The following PIK3R5 variants were observed in gnomAD, a reference collection of about 807,000 sequenced individuals.
PIK3R5 encodes phosphoinositide 3-kinase regulatory subunit 5.
PIK3R5 carries 32 observed loss-of-function variants against 94.9 expected under a neutral mutation model. That is an observed-to-expected ratio of 0.34 (90% CI 0.25 to 0.45). The LOEUF is 0.45. Among genes scored for constraint, PIK3R5 ranks in the 20% least tolerant of loss-of-function variants. PIK3R5 has a pLI of 1.00. For synonymous variants in PIK3R5, 443 were observed against 479.4 expected, an observed-to-expected ratio of 0.92 and a Z score of 0.99; for missense variants, 853 against 1,144.6, an observed-to-expected ratio of 0.75 and a Z score of 3.68.
intron 1 of PIK3R5, among the ~76,000 whole-genome samples, chr17:8,944,364 T>G (rs1043185994): frequency 6.6e-6 from 1 of 152,164 alleles, no homozygotes; most frequent in Non-Finnish European, 1.5e-5. Context: ...GTCTTTGCTG[T>G]GTGAATAGTG....
chr17:8,886,529 T>G lies in PIK3R5; in HGVS notation c.1982A>C (p.Tyr661Ser). ...QLPILADMLL[Y>S]YCRFAARPVL... is the part of the protein sequence containing the mutation. The stretch of plus-strand genomic sequence containing the variant: ...CGGTCTGGCGGCAAAGCGGCAGTAG[T>G]AGAGTAGCATGTCAGCCAGGATGGG... Residue 661 changes from tyrosine to serine, a missense_variant, in exon 13 of 19, where the codon TAC (tyrosine) becomes TCC (serine). Around this residue, in one of 6 missense-constraint regions of PIK3R5, gnomAD observed 173 missense variants for 274.1 expected, o/e 0.63. Transcript: ENST00000447110. 1 of 1,612,358 alleles carries G rather than the reference T, an allele frequency of 6.2e-7. No individual in the cohort carries two copies. Among genetic ancestry groups the G allele is most frequent in the Non-Finnish European group, 8.5e-7 (1 of 1,179,182 alleles).
chr17:8,907,968 G>A (rs8076056), intron 3 of PIK3R5, among the ~76,000 whole-genome samples: 6,445 of 152,208 alleles, frequency 0.042, 465 homozygotes, highest in African/African-American at 0.15. Flanking sequence ...AATTTGTTAG[G>A]CAAAGTTTGT....
rs200935575 is a variant in PIK3R5 at position 8,887,219 on chromosome 17, C to T, written c.1782G>A (p.Glu594=). ...TDSPRHASPG[E]LGTTPWEEST... ...TCTCCTCCCATGGGGTGGTGCCCAG[C>T]TCCTAGGGCAAAGAACAAGAGTCAT... The change falls in exon 12 of 19, where the codon GAG becomes GAA. Residue 594 remains glutamate, a splice_region_variant and synonymous_variant. Transcript: ENST00000447110. The T allele has an allele frequency of 1.8e-4, 288 of 1,613,798 alleles. 2 individuals carry two copies. In the East Asian group the frequency reaches 5.9e-3, roughly 33 times the overall value.
chr17:8,958,901 G>A (rs1029556262), intron 1 of PIK3R5, among the ~76,000 whole-genome samples: 1 of 152,120 alleles, frequency 6.6e-6, no homozygotes, highest in African/African-American at 2.4e-5. Context: ...GGGATTACAG[G>A]CATGTGCCAT....
At chr17:8,944,512 G>T (rs1389361682) in intron 1 of PIK3R5, among the ~76,000 whole-genome samples, 1 of 152,308 alleles carries the variant, frequency 6.6e-6, no homozygotes, top group East Asian at 1.9e-4. Flanking sequence ...GGAGCAAGAT[G>T]AATTAATTTA....
intron 1 of PIK3R5, among the ~76,000 whole-genome samples, chr17:8,949,347 G>T (rs1367679973): frequency 2.0e-5 from 3 of 152,226 alleles, no homozygotes; most frequent in African/African-American, 7.2e-5. Flanking sequence ...CGGGGAAAGG[G>T]TCCGATATTG....
intron 1 of PIK3R5, among the ~76,000 whole-genome samples, chr17:8,964,720 A>C (rs1453330799): frequency 6.6e-6 from 1 of 152,200 alleles, no homozygotes; most frequent in East Asian, 1.9e-4. Flanking sequence ...TCCTGAGGGC[A>C]GGAAGGAAAG....
At chr17:8,958,163 T>C (rs2151481227) in intron 1 of PIK3R5, among the ~76,000 whole-genome samples, 1 of 151,774 alleles carries the variant, frequency 6.6e-6, no homozygotes, top group Middle Eastern at 3.4e-3. Flanking sequence ...ATACAAAAAT[T>C]AGCCAGGCGT....
In PIK3R5 at chr17:8,879,163, C is replaced by G. The variant is rs560864098; in HGVS notation, c.*1476G>C. 34 of 152,284 alleles carry G rather than the reference C, an allele frequency of 2.2e-4. No homozygotes were observed. The highest frequency in any genetic ancestry group is 7.5e-4 in the African/African-American group (31 of 41,558). The allele number at this position is 152,284 out of a possible 1,614,324, so 9.4% of individuals were successfully genotyped here. On this transcript the variant is annotated 3_prime_UTR_variant, in exon 19 of 19. Coordinates refer to ENST00000447110, the MANE Select transcript of PIK3R5 (RefSeq NM_001142633.3). The surrounding 1 kb of genome is among the most constrained non-coding windows in gnomAD (Gnocchi z 4.4). Reference sequence around the variant, plus strand: ...ATGAGTACTCTGGGCTGGAATTTCACGTAAGGCCTTTTGGGCATAATGAAT... The same window carrying G: ...ATGAGTACTCTGGGCTGGAATTTCAGGTAAGGCCTTTTGGGCATAATGAAT...
intron 1 of PIK3R5, among the ~76,000 whole-genome samples, chr17:8,921,762 C>A (rs2090751645): frequency 6.6e-6 from 1 of 151,880 alleles, no homozygotes; most frequent in Non-Finnish European, 1.5e-5. Flanking sequence ...AGATTCAATA[C>A]CATAAAAAAT....
chr17:8,931,010 G>A (rs1282840200), intron 1 of PIK3R5, among the ~76,000 whole-genome samples: 1 of 152,138 alleles, frequency 6.6e-6, no homozygotes, highest in Non-Finnish European at 1.5e-5. Flanking sequence ...TTTGCAAGAT[G>A]TTACCATTGG....
chr17:8,880,960 G>A lies in PIK3R5; in HGVS notation c.2440C>T (p.Pro814Ser), dbSNP rs764477566. 8.1e-5 allele frequency: 130 copies of A among 1,613,974 alleles called. 2 individuals are homozygous for A. The South Asian group carries it at 1.4e-3, about 17-fold the overall frequency. Residue 814 changes from proline to serine, a missense_variant, in exon 18 of 19, where the codon CCC becomes TCC. By Grantham distance (74) the Pro-to-Ser change is moderately conservative. Around this residue, in one of 6 missense-constraint regions of PIK3R5, gnomAD observed 91 missense variants for 90.5 expected, o/e 1.01. Transcript: ENST00000447110. ...KVQIIGSNSC[P>S]FAVCLDQDER... ...TCCTGGTCCAGGCACACAGCAAAGG[G>A]GCAGCTGTTGGAGCCGATGATCTGC...
chr17:8,903,956 T>C (rs1383725121), intron 5 of PIK3R5, among the ~76,000 whole-genome samples: 1 of 152,262 alleles, frequency 6.6e-6, no homozygotes, highest in African/African-American at 2.4e-5. Context: ...AGGAAGATTA[T>C]TGGCTCTAAA....
chr17:8,887,868 G>A (rs2089909249), intron 10 of PIK3R5, among the ~76,000 whole-genome samples, 185 bp from the exon 11 acceptor site: 1 of 151,090 alleles, frequency 6.6e-6, no homozygotes, highest in African/African-American at 2.4e-5. Context: ...AGGTGTGGTG[G>A]TGTGCACCTG....
In PIK3R5 at chr17:8,884,745, C is replaced by T. The variant is rs764311629; in HGVS notation, c.2167G>A (p.Glu723Lys). Residue 723 changes from glutamate to lysine, a missense_variant, in exon 15 of 19, where the codon GAG becomes AAG. Glu to Lys is a moderately conservative substitution (Grantham distance 56). Around this residue, in one of 6 missense-constraint regions of PIK3R5, gnomAD observed 173 missense variants for 274.1 expected, o/e 0.63. Coordinates refer to ENST00000447110, the MANE Select transcript of PIK3R5 (RefSeq NM_001142633.3). The surrounding 1 kb of genome is among the most constrained non-coding windows in gnomAD (Gnocchi z 5.8). ...ATCTGTAGTGTTAGAGGAACAGCCT[C>T]CCGGTCGCCATCGATGCCCAGCCGC... is the stretch of plus-strand genomic sequence containing the variant. ...SKRLGIDGDREAVPLTLQIIY... is the reference protein window; with the variant it reads ...SKRLGIDGDRKAVPLTLQIIY... 15 of 1,613,422 alleles carry T rather than the reference C, an allele frequency of 9.3e-6. No individual in the cohort carries two copies. Among genetic ancestry groups the T allele is most frequent in the Non-Finnish European group, 1.2e-5 (14 of 1,179,614 alleles).
chr17:8,911,774 G>T lies in PIK3R5; in HGVS notation c.-13-267C>A. The T allele has an allele frequency of 2.9e-6, 1 of 343,158 alleles. No homozygotes were observed. Among genetic ancestry groups the T allele is most frequent in the Non-Finnish European group, 5.3e-6 (1 of 188,698 alleles). 21.3% of individuals were successfully genotyped at this position (343,158 alleles called of 1,614,324 possible). A position where few individuals can be genotyped will look rare whatever the true frequency, so the allele number is the denominator to read the frequency against. ...AAGTAAGGGGTCAGGAATGGGAGCAGAGAGGTGGAAAGGGCACTGGGCAGT... is the reference window on the plus strand; with the variant it reads ...AAGTAAGGGGTCAGGAATGGGAGCATAGAGGTGGAAAGGGCACTGGGCAGT... On this transcript the variant is annotated intron_variant, in intron 1 of 18. Coordinates refer to ENST00000447110, the MANE Select transcript of PIK3R5 (RefSeq NM_001142633.3). The surrounding 1 kb of genome is among the most constrained non-coding windows in gnomAD (Gnocchi z 5.3).
At chr17:8,948,340 A>G (rs1313530523) in intron 1 of PIK3R5, among the ~76,000 whole-genome samples, 1 of 152,198 alleles carries the variant, frequency 6.6e-6, no homozygotes, top group East Asian at 1.9e-4. Flanking sequence ...TAGTCAGCAG[A>G]AAATATGTAT....
At chr17:8,919,697 C>T (rs1472736305) in intron 1 of PIK3R5, among the ~76,000 whole-genome samples, 5 of 152,128 alleles carry the variant, frequency 3.3e-5, no homozygotes, top group Non-Finnish European at 7.4e-5. Flanking sequence ...ACAGGGCACA[C>T]CATGTGTGTG....
intron 6 of PIK3R5, among the ~76,000 whole-genome samples, chr17:8,891,764 CT>C (rs796816095): frequency 1.4e-3 from 203 of 144,406 alleles, no homozygotes; most frequent in Admixed American, 1.7e-3. Flanking sequence ...GCCCAGCTAA[CT>C]TTTTTTTTTT....
Sources: allele counts gnomAD v4.1 joint callset (sites outside exome capture counted in the v4.1 genomes callset), GRCh38; gene constraint gnomAD v4.1.1; regional missense constraint gnomAD v4.1.1; non-coding constraint Gnocchi (gnomAD v3.1); transcripts MANE v1.5; gene names NCBI Gene and HGNC (gene_info 2026-07-23, HGNC 2026-07-21).